INPP4B: variants seen among roughly 807,000 people sequenced by gnomAD.
The protein encoded by INPP4B is inositol polyphosphate 4-phosphatase type II.
A neutral mutation model predicts 122.5 loss-of-function variants in INPP4B; 55 were observed. The ratio of observed to expected loss-of-function variants is 0.45; its 90% CI spans 0.36 to 0.56. The LOEUF is 0.56. Ranked by LOEUF, INPP4B falls within the 20% of genes least tolerant of loss-of-function variation. The pLI, the probability that INPP4B is intolerant of heterozygous loss-of-function variation, is 0.00. For missense variants in INPP4B, 1,000 were observed against 1,097.7 expected (o/e 0.91, Z 1.26); for synonymous variants, 403 against 388.7 (o/e 1.04, Z -0.43).
At chr4:142,713,649 C>T (rs1041802818) in intron 2 of INPP4B, among the ~76,000 whole-genome samples, 1 of 152,180 alleles carries the variant, frequency 6.6e-6, no homozygotes, top group Admixed American at 6.5e-5. Flanking sequence ...CCAAAATCAA[C>T]CTTTCCAGAA....
chr4:142,239,919 A>G (rs1446154178), intron 11 of INPP4B, among the ~76,000 whole-genome samples: 1 of 151,988 alleles, frequency 6.6e-6, no homozygotes, highest in Non-Finnish European at 1.5e-5. Context: ...GTATCTCCTA[A>G]AGCAAGGTTA....
chr4:142,815,153 A>G (rs1779969172), intron 1 of INPP4B, among the ~76,000 whole-genome samples: 1 of 152,176 alleles, frequency 6.6e-6, no homozygotes, highest in Non-Finnish European at 1.5e-5. Context: ...GGGGTGTCCT[A>G]CAAGATGCCT....
At chr4:142,337,550 C>T (rs754431635) in intron 7 of INPP4B, among the ~76,000 whole-genome samples, 9 of 150,050 alleles carry the variant, frequency 6.0e-5, no homozygotes, top group Non-Finnish European at 1.0e-4. Flanking sequence ...TTAATGAGGT[C>T]GATTCCCAAA....
chr4:142,513,548 C>T (rs1317021607), intron 2 of INPP4B, among the ~76,000 whole-genome samples: 2 of 152,128 alleles, frequency 1.3e-5, no homozygotes, highest in Admixed American at 1.3e-4. Context: ...GCTGGGATTA[C>T]AGGCGCCTGC....
intron 2 of INPP4B, among the ~76,000 whole-genome samples, chr4:142,533,260 G>T (rs138343370): frequency 2.0e-5 from 3 of 152,008 alleles, no homozygotes; most frequent in Admixed American, 2.0e-4. Context: ...TGTAGCAATC[G>T]CAAAGCTCTA....
intron 1 of INPP4B, among the ~76,000 whole-genome samples, chr4:142,730,633 C>A (rs1267596775): frequency 6.6e-6 from 1 of 152,208 alleles, no homozygotes; most frequent in African/African-American, 2.4e-5. Flanking sequence ...TTTTATCGTT[C>A]TTCTACCTTG....
rs142440904 is a variant in INPP4B at position 142,828,122 on chromosome 4, C to T, written c.-254+18087G>A. ...ACAAATTGCCATAACATATACAATGCTGAGCTCACAAGAAATTAAAGAAAA... is the reference window on the plus strand; with the variant it reads ...ACAAATTGCCATAACATATACAATGTTGAGCTCACAAGAAATTAAAGAAAA... On this transcript the variant is annotated intron_variant, in intron 1 of 25. Transcript: ENST00000262992. Among the ~76,000 whole-genome samples the T allele has an allele frequency of 1.8e-3, 269 of 152,086 alleles. 2 individuals are homozygous for T. The East Asian group carries it at 0.018, about 10-fold the overall frequency.
At chr4:142,041,574 G>A (rs1747557279) in intron 25 of INPP4B, among the ~76,000 whole-genome samples, 1 of 151,934 alleles carries the variant, frequency 6.6e-6, no homozygotes, top group Non-Finnish European at 1.5e-5. Flanking sequence ...GCCGAGATCA[G>A]GTCATTGCAC....
intron 2 of INPP4B, among the ~76,000 whole-genome samples, chr4:142,634,123 C>A (rs985679074): frequency 2.6e-5 from 4 of 152,064 alleles, no homozygotes; most frequent in Non-Finnish European, 5.9e-5. Flanking sequence ...AAGAGAAATG[C>A]AAATTACTTA....
At chr4:142,134,065 C>T (rs1163077581) in intron 18 of INPP4B, among the ~76,000 whole-genome samples, 1 of 152,142 alleles carries the variant, frequency 6.6e-6, no homozygotes, top group Admixed American at 6.6e-5. Flanking sequence ...TCAGGAGAGC[C>T]AGTGTTTTAT....
chr4:142,544,119 GGTGTGTGTGTGGTGT>G (rs1372753324), intron 2 of INPP4B, among the ~76,000 whole-genome samples: 9 of 5,032 alleles, frequency 1.8e-3, no homozygotes, highest in South Asian at 9.5e-3. Flanking sequence ...AATACTGCAT[GGTGTGTGTGTGGTGT>G]GTGTGTGTGT....
At chr4:142,112,404 A>G (rs1249368680) in intron 22 of INPP4B, 138 bp downstream of exon 22, 1 of 921,520 alleles carries the variant, frequency 1.1e-6, no homozygotes, top group Non-Finnish European at 1.6e-6. Flanking sequence ...TCTATCTCAA[A>G]TAATTTGATA....
chr4:142,770,575 G>C (rs1580874846), intron 1 of INPP4B, among the ~76,000 whole-genome samples: 1 of 151,934 alleles, frequency 6.6e-6, no homozygotes, highest in South Asian at 2.1e-4. Flanking sequence ...AGTACCTTAG[G>C]TCAGAGTTTC....
At chr4:142,186,701 C>T (rs1216146834) in intron 15 of INPP4B, among the ~76,000 whole-genome samples, 1 of 152,022 alleles carries the variant, frequency 6.6e-6, no homozygotes, top group African/African-American at 2.4e-5. Flanking sequence ...GGGCCATAAA[C>T]AAATTTTGTT....
chr4:142,469,283 A>T (rs1163878263), intron 2 of INPP4B, among the ~76,000 whole-genome samples: 1 of 152,116 alleles, frequency 6.6e-6, no homozygotes, highest in Admixed American at 6.5e-5. Context: ...CAGCTATAAT[A>T]ATCCAAATTA....
chr4:142,359,233 A>C (rs541434452), intron 7 of INPP4B, among the ~76,000 whole-genome samples: 11 of 152,064 alleles, frequency 7.2e-5, no homozygotes, highest in South Asian at 6.2e-4. Flanking sequence ...AACAAAAAAA[A>C]AAAACAGGCT....
At chr4:142,522,685 C>G (rs1208263994) in intron 2 of INPP4B, among the ~76,000 whole-genome samples, 3 of 151,972 alleles carry the variant, frequency 2.0e-5, no homozygotes, top group Non-Finnish European at 2.9e-5. Flanking sequence ...GAAGTGGTGG[C>G]CTCAGGTGGC....
chr4:142,752,703 G>A (rs1017392098), intron 1 of INPP4B, among the ~76,000 whole-genome samples: 4 of 151,972 alleles, frequency 2.6e-5, no homozygotes, highest in Non-Finnish European at 4.4e-5. Flanking sequence ...ACATAGCATC[G>A]TATTTTACAT....
In INPP4B at chr4:142,480,529, A is replaced by T. The variant is rs563931322; in HGVS notation, c.-190-17803T>A. Among the ~76,000 whole-genome samples the T allele has an allele frequency of 2.0e-5, 3 of 152,298 alleles. No homozygotes were observed. In the East Asian group the frequency reaches 5.8e-4, roughly 29 times the overall value. ...TGGGTGCAAGGTAGTCTGAGAAGTC[A>T]ATTATACAACTTGGAAAAAAACAAG... On this transcript the variant is annotated intron_variant, in intron 2 of 25. Transcript: ENST00000262992.
Sources: allele counts gnomAD v4.1 joint callset (sites outside exome capture counted in the v4.1 genomes callset), GRCh38; gene constraint gnomAD v4.1.1; transcripts MANE v1.5; gene names NCBI Gene and HGNC (gene_info 2026-07-23, HGNC 2026-07-21).